FBXL20: variants seen among roughly 807,000 people sequenced by gnomAD.
The protein encoded by FBXL20 is F-box/LRR-repeat protein 20.
Under a neutral mutation model 64.0 loss-of-function variants are expected in FBXL20, and 11 were observed. That is an observed-to-expected ratio of 0.17 (90% CI 0.11 to 0.28). FBXL20 has a LOEUF of 0.28. Ranked by LOEUF, FBXL20 falls within the 10% of genes least tolerant of loss-of-function variation. FBXL20 has a pLI of 1.00. For missense variants in FBXL20, 303 were observed against 526.2 expected (o/e 0.58, Z 4.15); for synonymous variants, 184 against 189.0 (o/e 0.97, Z 0.22).
At position 39,256,255 on chromosome 17, in the gene FBXL20, AG is replaced by A. The variant is rs2046694481; in HGVS notation, c.*5204del. ...AGAATCACTTGAACCCAGGAGGCAG[AG>A]GTTGCAGTGAACTGAGATTGTGCCA... On this transcript the variant is annotated 3_prime_UTR_variant, in exon 15 of 15. Transcript: ENST00000264658. 6.9e-6 allele frequency: 1 copy of A among 144,494 alleles called. No individual in the cohort carries two copies. Among genetic ancestry groups the A allele is most frequent in the Non-Finnish European group, 1.5e-5 (1 of 66,862 alleles). The allele number at this position is 144,494 out of a possible 1,614,324, so 9.0% of individuals were successfully genotyped here. A position where few individuals can be genotyped will look rare whatever the true frequency, so the allele number is the denominator to read the frequency against.
At chr17:39,334,420 G>A (rs906281793) in intron 2 of FBXL20, among the ~76,000 whole-genome samples, 5 of 150,576 alleles carry the variant, frequency 3.3e-5, no homozygotes, top group Admixed American at 6.7e-5. Context: ...ATTGTCCTAT[G>A]ACCTTGCCAA....
intron 2 of FBXL20, among the ~76,000 whole-genome samples, chr17:39,319,819 C>G (rs917875613): frequency 1.1e-4 from 17 of 151,740 alleles, no homozygotes; most frequent in African/African-American, 4.1e-4. Flanking sequence ...TCGCTGTTGC[C>G]CAGGCTGCTC....
chr17:39,352,835 C>T (rs1282808232), intron 1 of FBXL20, among the ~76,000 whole-genome samples: 1 of 152,208 alleles, frequency 6.6e-6, no homozygotes, highest in Admixed American at 6.6e-5. Context: ...ATACAGAATT[C>T]CCAATTCTTA....
chr17:39,274,838 C>G lies in FBXL20; in HGVS notation c.827+132G>C. 4 of 1,161,814 alleles carry G rather than the reference C, an allele frequency of 3.4e-6. No individual in the cohort carries two copies. In the South Asian group the frequency reaches 6.0e-5, roughly 17 times the overall value. 72.0% of individuals were successfully genotyped at this position (1,161,814 alleles called of 1,614,324 possible). ...GTACAAAAAGGAAGTAGGTGGGCAT[C>G]TAAAAGGGACTACCTTAAAATTTCA... On this transcript the variant is annotated intron_variant, in intron 10 of 14. Transcript: ENST00000264658.
chr17:39,373,722 A>C (rs1292156677), intron 1 of FBXL20, among the ~76,000 whole-genome samples: 1 of 152,158 alleles, frequency 6.6e-6, no homozygotes, highest in Admixed American at 6.6e-5. Flanking sequence ...AATTTTGTCT[A>C]GCCTACTAGG....
chr17:39,343,782 A>G (rs1476484204), intron 1 of FBXL20, among the ~76,000 whole-genome samples: 3 of 145,790 alleles, frequency 2.1e-5, no homozygotes, highest in Non-Finnish European at 4.5e-5. Flanking sequence ...TGCAACCTCC[A>G]CTTCCCAGGT....
At position 39,261,531 on chromosome 17, in the gene FBXL20, C is replaced by T. The variant is rs761150571; in HGVS notation, c.1240G>A (p.Ala414Thr). Residue 414 changes from alanine (A) to threonine (T), a missense_variant, in exon 15 of 15, where the codon GCA (alanine) becomes ACA (threonine). By Grantham distance (58) the Ala-to-Thr change is moderately conservative. Transcript: ENST00000264658. ...LPNIKVHAYFAPVTPPPSVGG... is the reference protein window; with the variant it reads ...LPNIKVHAYFTPVTPPPSVGG... ...ACTGATGGGGGTGGAGTGACAGGTG[C>T]GAAGTAGGCGTGGACTTTAATATTG... The T allele has an allele frequency of 2.5e-6, 4 of 1,613,716 alleles. No individual in the cohort carries two copies. The highest frequency in any genetic ancestry group is 2.2e-5 in the South Asian group (2 of 91,056).
chr17:39,315,744 C>T (rs187608888), intron 2 of FBXL20, among the ~76,000 whole-genome samples: 1 of 150,176 alleles, frequency 6.7e-6, no homozygotes, highest in African/African-American at 2.4e-5. Flanking sequence ...TTTGTCCGTG[C>T]AACAGGAGGA....
At chr17:39,279,605 G>A (rs1473984210) in intron 9 of FBXL20, among the ~76,000 whole-genome samples, 1 of 151,910 alleles carries the variant, frequency 6.6e-6, no homozygotes, top group Non-Finnish European at 1.5e-5. Flanking sequence ...AAAGCTAAAG[G>A]TGTACTGTTG....
At chr17:39,377,404 G>C (rs1389550901) in intron 1 of FBXL20, among the ~76,000 whole-genome samples, 2 of 152,072 alleles carry the variant, frequency 1.3e-5, no homozygotes, top group East Asian at 3.9e-4. Flanking sequence ...CGGGGGTGGG[G>C]TGGGGTACTG....
rs947918344 is a variant in FBXL20, at chr17:39,259,494, A to G, written c.*1966T>C. 7.2e-5 allele frequency: 11 copies of G among 151,974 alleles called. No individual in the cohort carries two copies. Among genetic ancestry groups the G allele is most frequent in the African/African-American group, 2.7e-4 (11 of 41,376 alleles). The allele number at this position is 151,974 out of a possible 1,614,324, so 9.4% of individuals were successfully genotyped here. ...TTTTCTTCTTATGCTTTAAAAACTCATTTTACTTCCTTTATCCTCTGATTT... is the reference window on the plus strand; with the variant it reads ...TTTTCTTCTTATGCTTTAAAAACTCGTTTTACTTCCTTTATCCTCTGATTT... On this transcript the variant is annotated 3_prime_UTR_variant, in exon 15 of 15. Coordinates refer to ENST00000264658, the MANE Select transcript of FBXL20 (RefSeq NM_032875.3).
At chr17:39,299,786 A>T (rs1389388618) in intron 4 of FBXL20, among the ~76,000 whole-genome samples, 2 of 150,188 alleles carry the variant, frequency 1.3e-5, no homozygotes, top group Non-Finnish European at 3.0e-5. Flanking sequence ...CTGTCTCAAA[A>T]CAACAACAAC....
chr17:39,252,986 G>A lies in FBXL20; in HGVS notation c.*8474C>T, dbSNP rs1376350056. 1 of 152,282 alleles carries A rather than the reference G, an allele frequency of 6.6e-6. No individual in the cohort carries two copies. Among genetic ancestry groups the A allele is most frequent in the Non-Finnish European group, 1.5e-5 (1 of 68,120 alleles). 9.4% of individuals were successfully genotyped at this position (152,282 alleles called of 1,614,324 possible). Reference sequence around the variant, plus strand: ...GAGATTGGCTAAGCATTTGGAGCAGGCCTAGTGGAGAAACAAGCAAGCAGC... The same window carrying A: ...GAGATTGGCTAAGCATTTGGAGCAGACCTAGTGGAGAAACAAGCAAGCAGC... On this transcript the variant is annotated 3_prime_UTR_variant, in exon 15 of 15. Transcript: ENST00000264658.
intron 6 of FBXL20, among the ~76,000 whole-genome samples, chr17:39,286,301 A>G (rs2046987542): frequency 6.6e-6 from 1 of 152,108 alleles, no homozygotes; most frequent in Non-Finnish European, 1.5e-5. Flanking sequence ...TGCAACCTCC[A>G]TTTCCGGGTT....
At chr17:39,402,098 G>C, upstream of FBXL20, 2 of 1,202,232 alleles carry the variant, frequency 1.7e-6, no homozygotes, top group Non-Finnish European at 2.1e-6. Context: ...GTCGCCCCTC[G>C]TCACTTGTTC....
intron 2 of FBXL20, among the ~76,000 whole-genome samples, chr17:39,323,220 C>T (rs569056862): frequency 8.3e-4 from 127 of 152,156 alleles, no homozygotes; most frequent in South Asian, 3.5e-3. Context: ...CCGCCCGCCT[C>T]GGCCTCCCAA....
chr17:39,326,550 A>T (rs1367411943), intron 2 of FBXL20, among the ~76,000 whole-genome samples: 1 of 151,754 alleles, frequency 6.6e-6, no homozygotes, highest in East Asian at 2.0e-4. Context: ...GAGACTGGGA[A>T]TATCAAGGCT....
intron 1 of FBXL20, among the ~76,000 whole-genome samples, chr17:39,384,037 C>T (rs1376847710): frequency 6.6e-6 from 1 of 151,818 alleles, no homozygotes; most frequent in Non-Finnish European, 1.5e-5. Context: ...AGTTCAAGAC[C>T]AGCCTGAGCA....
At chr17:39,370,503 A>G (rs1308195662) in intron 1 of FBXL20, among the ~76,000 whole-genome samples, 1 of 138,558 alleles carries the variant, frequency 7.2e-6, no homozygotes, top group Non-Finnish European at 1.7e-5. Flanking sequence ...AAAAAAAAAG[A>G]AGGCCGGGCG....
Sources: gnomAD v4.1 joint callset for allele counts (sites outside exome capture counted in the v4.1 genomes callset) on GRCh38, gnomAD v4.1.1 for gene constraint, MANE v1.5 for transcripts, NCBI Gene and HGNC (gene_info 2026-07-23, HGNC 2026-07-21) for gene names.